OLFML1: variants seen among roughly 807,000 people sequenced by gnomAD.
OLFML1 encodes the protein olfactomedin like 1.
Under a neutral mutation model 37.3 loss-of-function variants are expected in OLFML1, and 33 were observed. The ratio of observed to expected loss-of-function variants is 0.88; its 90% CI spans 0.67 to 1.18. The LOEUF is 1.18. Ranked by LOEUF, OLFML1 falls within the 50% of genes most tolerant of loss-of-function variation. The probability of loss-of-function intolerance (pLI) is 0.00; values close to 1 mark genes in which losing one functional copy is unlikely to be tolerated. For missense variants in OLFML1, 545 were observed against 483.7 expected (o/e 1.13, Z -1.19); for synonymous variants, 186 against 181.3 (o/e 1.03, Z -0.21).
At chr11:7,487,639 G>GT (rs901210449) in intron 1 of OLFML1, among the ~76,000 whole-genome samples, 11 of 151,162 alleles carry the variant, frequency 7.3e-5, no homozygotes, top group Admixed American at 1.3e-4. Context: ...AAATACAAAG[G>GT]TTTTTTTTTC....
rs1848858101 is a variant in OLFML1, at chr11:7,511,330, C to G, written c.*1142C>G. ...TAAATTCAATAAAAGTGACACTGAG[C>G]AAATAACCTCATCAGGTTATATTTG... is the stretch of plus-strand genomic sequence containing the variant. On this transcript the variant is annotated 3_prime_UTR_variant, in exon 3 of 3. Transcript: ENST00000329293. 1 of 152,222 alleles carries G rather than the reference C, an allele frequency of 6.6e-6. No individual in the cohort carries two copies. The highest frequency in any genetic ancestry group is 2.1e-4 in the South Asian group (1 of 4,832). 9.4% of individuals were successfully genotyped at this position (152,222 alleles called of 1,614,324 possible).
intron 2 of OLFML1, among the ~76,000 whole-genome samples, chr11:7,496,049 G>T (rs1848659116): frequency 6.6e-6 from 1 of 152,184 alleles, no homozygotes; most frequent in Non-Finnish European, 1.5e-5. Context: ...CATTTCTCAG[G>T]GGTCCATAGG....
At position 7,510,270 on chromosome 11, in the gene OLFML1, AG is replaced by A; in HGVS notation, c.*83del. 1 of 1,084,958 alleles carries A rather than the reference AG, an allele frequency of 9.2e-7. No individual in the cohort carries two copies. The highest frequency in any genetic ancestry group is 1.3e-6 in the Non-Finnish European group (1 of 766,760). 67.2% of individuals were successfully genotyped at this position (1,084,958 alleles called of 1,614,324 possible). ...TGAGGCTATAGCCCCTTCACAATATAGTATCCCTCTAATCACACACAGGAAG... is the reference window on the plus strand; with the variant it reads ...TGAGGCTATAGCCCCTTCACAATATATATCCCTCTAATCACACACAGGAAG... On this transcript the variant is annotated 3_prime_UTR_variant, in exon 3 of 3. Transcript: ENST00000329293.
rs1296799657 is a variant in OLFML1 at position 7,485,631 on chromosome 11, C to T, written c.-245C>T. 3 of 465,586 alleles carry T rather than the reference C, an allele frequency of 6.4e-6. No homozygotes were observed. Among genetic ancestry groups the T allele is most frequent in the East Asian group, 7.1e-5 (2 of 28,284 alleles). 28.8% of individuals were successfully genotyped at this position (465,586 alleles called of 1,614,324 possible). A position where few individuals can be genotyped will look rare whatever the true frequency, so the allele number is the denominator to read the frequency against. ...GATGCTGGACCCAGGGAGCTCTCTGCCACAGGTCAGTCTACAAGGCCTCAG... is the reference window on the plus strand; with the variant it reads ...GATGCTGGACCCAGGGAGCTCTCTGTCACAGGTCAGTCTACAAGGCCTCAG... On this transcript the variant is annotated 5_prime_UTR_variant, in exon 1 of 3. Coordinates refer to ENST00000329293, the MANE Select transcript of OLFML1 (RefSeq NM_198474.4).
At chr11:7,502,215 C>A (rs1469309817) in intron 2 of OLFML1, among the ~76,000 whole-genome samples, 1 of 152,162 alleles carries the variant, frequency 6.6e-6, no homozygotes, top group Non-Finnish European at 1.5e-5. Flanking sequence ...CACTTGACAT[C>A]CTGGCAGGAT....
chr11:7,499,756 T>G (rs187934944), intron 2 of OLFML1, among the ~76,000 whole-genome samples: 2 of 152,374 alleles, frequency 1.3e-5, no homozygotes, highest in East Asian at 1.9e-4. Flanking sequence ...CAAAACCATA[T>G]ATCCACTCTT....
At position 7,509,982 on chromosome 11, in the gene OLFML1, G is replaced by T. The variant is rs1001751602; in HGVS notation, c.1003G>T (p.Gly335Cys). The change falls in exon 3 of 3, where the codon GGC (glycine) becomes TGC (cysteine). Residue 335 changes from glycine to cysteine, a missense_variant. Coordinates refer to ENST00000329293, the MANE Select transcript of OLFML1 (RefSeq NM_198474.4). The stretch of plus-strand genomic sequence containing the variant: ...TCTCTATGTGGTCTACAGTACTGGG[G>T]GCCAGGGCCCTCATCGCATCACCTG... ...GVLYVVYSTG[G>C]QGPHRITCIY... 5 of 1,614,078 alleles carry T rather than the reference G, an allele frequency of 3.1e-6. No homozygotes were observed. In the African/African-American group the frequency reaches 6.7e-5, roughly 22 times the overall value.
chr11:7,498,041 CT>C (rs1391950993), intron 2 of OLFML1, among the ~76,000 whole-genome samples: 1 of 152,200 alleles, frequency 6.6e-6, no homozygotes, highest in Non-Finnish European at 1.5e-5. Flanking sequence ...CTGACAAATT[CT>C]GCACAATCTG....
intron 2 of OLFML1, among the ~76,000 whole-genome samples, chr11:7,492,232 T>C (rs1458701071): frequency 6.6e-6 from 1 of 152,188 alleles, no homozygotes; most frequent in African/African-American, 2.4e-5. Flanking sequence ...ACTCTGATCT[T>C]CCTGTCTTCC....
intron 2 of OLFML1, chr11:7,488,623 C>G (rs12805400): frequency 0.22 from 98,132 of 444,308 alleles, 11,656 homozygotes; most frequent in Non-Finnish European, 0.24. Context: ...CTTTCACACA[C>G]AGTGCCTAAA....
chr11:7,501,582 C>A (rs1262660563), intron 2 of OLFML1, among the ~76,000 whole-genome samples: 1 of 152,212 alleles, frequency 6.6e-6, no homozygotes, highest in East Asian at 1.9e-4. Flanking sequence ...GATGTCATGA[C>A]CACTGAAAGG....
chr11:7,508,874 G>A (rs1390428422), intron 2 of OLFML1, among the ~76,000 whole-genome samples: 3 of 152,202 alleles, frequency 2.0e-5, no homozygotes, highest in African/African-American at 7.2e-5. Flanking sequence ...AATTGAATTA[G>A]TGTCTTCACA....
chr11:7,504,743 A>G (rs1848764009), intron 2 of OLFML1: 1 of 152,156 alleles, frequency 6.6e-6, no homozygotes, highest in Non-Finnish European at 1.5e-5. Flanking sequence ...TATAGCAAAC[A>G]GTTTGCTAAC....
Position 7,488,343 on chromosome 11 carries a change from G to C in OLFML1, c.346G>C (p.Asp116His). 2.5e-6 allele frequency: 4 copies of C among 1,614,080 alleles called. No individual in the cohort carries two copies. Among genetic ancestry groups the C allele is most frequent in the Non-Finnish European group, 3.4e-6 (4 of 1,179,990 alleles). Residue 116 changes from aspartate to histidine, a missense_variant, in exon 2 of 3, where the codon GAC becomes CAC. Asp to His is a moderately conservative substitution (Grantham distance 81). Transcript: ENST00000329293. ...READECIESEDKTLAEMLLQE... is the reference protein window; with the variant it reads ...READECIESEHKTLAEMLLQE... ...GGCTGACGAGTGCATCGAATCAGAGGACAAGACACTGGCAGAAATGTTGCT... is the reference window on the plus strand; with the variant it reads ...GGCTGACGAGTGCATCGAATCAGAGCACAAGACACTGGCAGAAATGTTGCT...
At chr11:7,500,902 TAAAA>T (rs1189556029) in intron 2 of OLFML1, among the ~76,000 whole-genome samples, 1 of 151,860 alleles carries the variant, frequency 6.6e-6, no homozygotes, top group Non-Finnish European at 1.5e-5. Flanking sequence ...TAAAAAAACT[TAAAA>T]AAAGAATTAT....
At chr11:7,488,545 G>A in intron 2 of OLFML1, 130 bp downstream of exon 2, 1 of 705,692 alleles carries the variant, frequency 1.4e-6, no homozygotes, top group Non-Finnish European at 2.3e-6. Flanking sequence ...TGTGTGCATT[G>A]CTGAGAGAGA....
In OLFML1 at chr11:7,485,964, C is replaced by T; in HGVS notation, c.89C>T (p.Ala30Val). The T allele has an allele frequency of 6.2e-7, 1 of 1,614,030 alleles. No individual in the cohort carries two copies. Residue 30 changes from alanine (A) to valine (V), a missense_variant, in exon 1 of 3, where the codon GCC becomes GTC. Ala to Val is a moderately conservative substitution (Grantham distance 64). Transcript: ENST00000329293. ...CCGCCGCAGTGTACCCAGGACCCAGCCATGGTGCATTACATCTACCAGCGC... is the reference window on the plus strand; with the variant it reads ...CCGCCGCAGTGTACCCAGGACCCAGTCATGGTGCATTACATCTACCAGCGC... ...LPPPQCTQDP[A>V]MVHYIYQRFR... is the part of the protein sequence containing the mutation.
intron 2 of OLFML1, among the ~76,000 whole-genome samples, chr11:7,489,650 T>G (rs986483920): frequency 7.9e-5 from 12 of 152,104 alleles, no homozygotes; most frequent in African/African-American, 2.9e-4. Context: ...CAACAAGTAA[T>G]AGTGTTGGCA....
At chr11:7,495,241 T>C (rs1212886490) in intron 2 of OLFML1, among the ~76,000 whole-genome samples, 1 of 152,156 alleles carries the variant, frequency 6.6e-6, no homozygotes, top group African/African-American at 2.4e-5. Context: ...GTTTCAGGGC[T>C]TTATCCTATA....
Sources: allele counts gnomAD v4.1 joint callset (sites outside exome capture counted in the v4.1 genomes callset), GRCh38; gene constraint gnomAD v4.1.1; transcripts MANE v1.5; gene names NCBI Gene and HGNC (gene_info 2026-07-23, HGNC 2026-07-21).